Variants in KCNK12 observed in about 807,000 individuals in gnomAD.
KCNK12 encodes the protein potassium channel subfamily K member 12.
In KCNK12, 6 loss-of-function variants were observed where a neutral mutation model predicts 25.3. The observed-to-expected ratio is 0.24, with a 90% CI of 0.13 to 0.47. The LOEUF is 0.47. KCNK12 is among the 20% of genes least tolerant of loss of function. The probability of loss-of-function intolerance (pLI) is 0.99; values close to 1 mark genes in which losing one functional copy is unlikely to be tolerated. For missense variants in KCNK12, 444 were observed against 661.7 expected (o/e 0.67, Z 3.61); for synonymous variants, 331 against 311.1 (o/e 1.06, Z -0.67).
rs1364621685 is a variant in KCNK12 at position 47,528,432 on chromosome 2, C to T, written c.392-6624G>A. 1 of 152,394 alleles carries T rather than the reference C, an allele frequency of 6.6e-6. No individual in the cohort carries two copies. The highest frequency in any genetic ancestry group is 1.5e-5 in the Non-Finnish European group (1 of 68,172). The allele number at this position is 152,394 out of a possible 1,614,324, so 9.4% of individuals were successfully genotyped here. On this transcript the variant is annotated intron_variant, in intron 1 of 1. Coordinates refer to ENST00000327876, the MANE Select transcript of KCNK12 (RefSeq NM_022055.2). The surrounding 1 kb of genome is among the most constrained non-coding windows in gnomAD (Gnocchi z 4.5). ...TGGGACAGGCTTCCTGCTGAGGGCA[C>T]TGGGGCCTATGCTTGTGCCACTGCC...
In KCNK12 at chr2:47,512,272, A is replaced by G. The variant is rs754915251; in HGVS notation, c.*8635T>C. ...TGATGGAAATCCCCGTGGAACTCCT[A>G]CATTTTCTCCTCTCTTCTCCTTCCT... On this transcript the variant is annotated 3_prime_UTR_variant, in exon 2 of 2. Transcript: ENST00000327876. 2.1e-5 allele frequency: 34 copies of G among 1,610,488 alleles called. No individual in the cohort carries two copies. In the East Asian group the frequency reaches 6.7e-4, roughly 32 times the overall value.
At position 47,570,395 on chromosome 2, in the gene KCNK12, C is replaced by T; in HGVS notation, c.-64G>A. 3.3e-6 allele frequency: 4 copies of T among 1,209,918 alleles called. No homozygotes were observed. Among genetic ancestry groups the T allele is most frequent in the Non-Finnish European group, 4.1e-6 (4 of 975,114 alleles). The allele number at this position is 1,209,918 out of a possible 1,614,324, so 74.9% of individuals were successfully genotyped here. On this transcript the variant is annotated 5_prime_UTR_variant, in exon 1 of 2. Coordinates refer to ENST00000327876, the MANE Select transcript of KCNK12 (RefSeq NM_022055.2). ...GGCCCGGGCCACGACATCCCCCCGGCGGGAGCAGGAGCGTGAGGATGGTGG... is the reference window on the plus strand; with the variant it reads ...GGCCCGGGCCACGACATCCCCCCGGTGGGAGCAGGAGCGTGAGGATGGTGG...
At chr2:47,567,784 T>C (rs1336671898) in intron 1 of KCNK12, among the ~76,000 whole-genome samples, 1 of 152,200 alleles carries the variant, frequency 6.6e-6, no homozygotes, top group African/African-American at 2.4e-5. Flanking sequence ...CTACATTGCT[T>C]GCCTACATCT....
chr2:47,521,207 C>T lies in KCNK12; in HGVS notation c.993G>A (p.Arg331=), dbSNP rs1324384948. The T allele has an allele frequency of 6.5e-7, 1 of 1,547,440 alleles. No individual in the cohort carries two copies. Among genetic ancestry groups the T allele is most frequent in the East Asian group, 2.4e-5 (1 of 41,446 alleles). ...CCPAPGAPLA[R]RNAITPGSRL... ...GGGAGCCTGGGGTGATGGCATTGCGCCGGGCCAGGGGCGCGCCAGGAGCCG... is the reference window on the plus strand; with the variant it reads ...GGGAGCCTGGGGTGATGGCATTGCGTCGGGCCAGGGGCGCGCCAGGAGCCG... Residue 331 remains arginine (R), a synonymous_variant, in exon 2 of 2, where the codon CGG becomes CGA. Coordinates refer to ENST00000327876, the MANE Select transcript of KCNK12 (RefSeq NM_022055.2).
intron 1 of KCNK12, chr2:47,563,438 A>G (rs1669724845): frequency 4.3e-6 from 1 of 233,254 alleles, no homozygotes; most frequent in Non-Finnish European, 8.5e-6. Context: ...ACCTTTGGCA[A>G]TATTGATGTA....
chr2:47,567,976 A>G (rs749124207), intron 1 of KCNK12, among the ~76,000 whole-genome samples: 1 of 152,158 alleles, frequency 6.6e-6, no homozygotes, highest in Non-Finnish European at 1.5e-5. Context: ...AGTGCCTCCA[A>G]AGGAGCACCG....
At position 47,520,242 on chromosome 2, in the gene KCNK12, A is replaced by T. The variant is rs1394067270; in HGVS notation, c.*665T>A. 6.6e-6 allele frequency: 1 copy of T among 152,192 alleles called. No individual in the cohort carries two copies. The highest frequency in any genetic ancestry group is 2.1e-4 in the South Asian group (1 of 4,820). 9.4% of individuals were successfully genotyped at this position (152,192 alleles called of 1,614,324 possible). A position where few individuals can be genotyped will look rare whatever the true frequency, so the allele number is the denominator to read the frequency against. On this transcript the variant is annotated 3_prime_UTR_variant, in exon 2 of 2. Coordinates refer to ENST00000327876, the MANE Select transcript of KCNK12 (RefSeq NM_022055.2). This position sits in a 1 kb window ranked among gnomAD's most constrained non-coding sequence, Gnocchi z 5.0. ...GTAGCTGCCCTGTGCTCTGTGCTAA[A>T]TGGACTAACTCTGAGCTGAGAAAGG...
chr2:47,539,796 G>A (rs375984403), intron 1 of KCNK12, among the ~76,000 whole-genome samples: 2 of 152,200 alleles, frequency 1.3e-5, no homozygotes, highest in Non-Finnish European at 2.9e-5. Context: ...TGTTAAAGCC[G>A]CTTCCCGGGG....
At position 47,509,826 on chromosome 2, in the gene KCNK12, T is replaced by C. The variant is rs1668357333; in HGVS notation, c.*11081A>G. 6.6e-6 allele frequency among the ~76,000 whole-genome samples: 1 copy of C among 151,692 alleles called. No homozygotes were observed. Among genetic ancestry groups the C allele is most frequent in the South Asian group, 2.1e-4 (1 of 4,796 alleles). On this transcript the variant is annotated 3_prime_UTR_variant, in exon 2 of 2. Coordinates refer to ENST00000327876, the MANE Select transcript of KCNK12 (RefSeq NM_022055.2). ...CCAATTTGTGTAAGGCCAGGGGACT[T>C]CCCCCCCACTCCCCAACCTGAGGCA...
intron 1 of KCNK12, among the ~76,000 whole-genome samples, chr2:47,531,726 G>A (rs1406431031): frequency 6.6e-6 from 1 of 152,212 alleles, no homozygotes; most frequent in Non-Finnish European, 1.5e-5. Flanking sequence ...GGTAACCAAA[G>A]GTTAAGGCGT....
At chr2:47,568,078 G>T (rs1244002943) in intron 1 of KCNK12, among the ~76,000 whole-genome samples, 1 of 152,180 alleles carries the variant, frequency 6.6e-6, no homozygotes, top group African/African-American at 2.4e-5. Flanking sequence ...GCCCAAAAAG[G>T]AAAGGGACAC....
At chr2:47,536,020 G>T (rs757742114) in intron 1 of KCNK12, among the ~76,000 whole-genome samples, 6 of 152,050 alleles carry the variant, frequency 3.9e-5, no homozygotes, top group Admixed American at 6.5e-5. Context: ...CTTGCCTATT[G>T]TCCCCCTCCC....
chr2:47,555,499 C>T lies in KCNK12; in HGVS notation c.391+14442G>A, dbSNP rs148169065. Reference sequence around the variant, plus strand: ...AGCTTATTCTCCATTAGTTTCCCTCCTATATTTATCTTCCCATAATTTACC... The same window carrying T: ...AGCTTATTCTCCATTAGTTTCCCTCTTATATTTATCTTCCCATAATTTACC... On this transcript the variant is annotated intron_variant, in intron 1 of 1. Coordinates refer to ENST00000327876, the MANE Select transcript of KCNK12 (RefSeq NM_022055.2). This position sits in a 1 kb window ranked among gnomAD's most constrained non-coding sequence, Gnocchi z 4.5. 2.0e-5 allele frequency among the ~76,000 whole-genome samples: 3 copies of T among 152,304 alleles called. No individual in the cohort carries two copies. Among genetic ancestry groups the T allele is most frequent in the African/African-American group, 4.8e-5 (2 of 41,564 alleles).
rs555307945 is a variant in KCNK12, at chr2:47,555,294, G to A, written c.391+14647C>T. On this transcript the variant is annotated intron_variant, in intron 1 of 1. Transcript: ENST00000327876. This position sits in a 1 kb window ranked among gnomAD's most constrained non-coding sequence, Gnocchi z 4.5. ...ATTGTTTTGAGCTGCAGGCAATTTG[G>A]AAGCAGCAGATGCAAAGAAAGCTCC... Among the ~76,000 whole-genome samples, 10 of 152,326 alleles carry A rather than the reference G, an allele frequency of 6.6e-5. No individual in the cohort carries two copies. In the South Asian group the frequency reaches 2.1e-3, roughly 32 times the overall value.
At position 47,529,633 on chromosome 2, in the gene KCNK12, TCC is replaced by T. The variant is rs1668874657; in HGVS notation, c.392-7827_392-7826del. 6.6e-6 allele frequency among the ~76,000 whole-genome samples: 1 copy of T among 152,168 alleles called. No individual in the cohort carries two copies. Among genetic ancestry groups the T allele is most frequent in the African/African-American group, 2.4e-5 (1 of 41,438 alleles). ...TATTAGTCTAGGCCAATCAGGATAA[TCC>T]AGTTCCTTACCATGACTGGCTCAAG... On this transcript the variant is annotated intron_variant, in intron 1 of 1. Transcript: ENST00000327876. This position sits in a 1 kb window ranked among gnomAD's most constrained non-coding sequence, Gnocchi z 4.3.
chr2:47,549,982 G>A (rs1329582057), intron 1 of KCNK12, among the ~76,000 whole-genome samples: 1 of 150,604 alleles, frequency 6.6e-6, no homozygotes, highest in Non-Finnish European at 1.5e-5. Flanking sequence ...AAAATTCACT[G>A]AATAGAGTTA....
At chr2:47,563,281 C>T (rs2104891994) in intron 1 of KCNK12, 1 of 233,610 alleles carries the variant, frequency 4.3e-6, no homozygotes, top group East Asian at 6.0e-5. Flanking sequence ...AACACTCACC[C>T]CTTCTGGGAA....
intron 1 of KCNK12, among the ~76,000 whole-genome samples, chr2:47,550,045 A>G (rs561476741): frequency 6.6e-6 from 1 of 152,312 alleles, no homozygotes; most frequent in African/African-American, 2.4e-5. Flanking sequence ...ATAGCAATAG[A>G]ACTATTCAAA....
rs1250074638 is a variant in KCNK12, at chr2:47,570,910, C to G, written c.-579G>C. On this transcript the variant is annotated 5_prime_UTR_variant, in exon 1 of 2. Transcript: ENST00000327876. ...CGGCGTCGGCTTCAGAGCCTCGGAG[C>G]CGAGCCGAGTCCGGGGAAGCGCTCC... 6.6e-6 allele frequency: 1 copy of G among 152,166 alleles called. No homozygotes were observed. The highest frequency in any genetic ancestry group is 1.5e-5 in the Non-Finnish European group (1 of 68,058). 9.4% of individuals were successfully genotyped at this position (152,166 alleles called of 1,614,324 possible). A position where few individuals can be genotyped will look rare whatever the true frequency, so the allele number is the denominator to read the frequency against.
Sources: gnomAD v4.1 joint callset for allele counts (sites outside exome capture counted in the v4.1 genomes callset) on GRCh38, gnomAD v4.1.1 for gene constraint, Gnocchi (gnomAD v3.1) non-coding constraint, MANE v1.5 for transcripts, NCBI Gene and HGNC (gene_info 2026-07-23, HGNC 2026-07-21) for gene names.